The following TDRD1 variants were observed in gnomAD, a reference collection of about 807,000 sequenced individuals.
The protein encoded by TDRD1 is tudor domain-containing protein 1.
In TDRD1, 37 loss-of-function variants were observed where a neutral mutation model predicts 140.6. That is an observed-to-expected ratio of 0.26 (90% confidence interval 0.20 to 0.35). TDRD1 has a LOEUF of 0.35. TDRD1 is among the 10% of genes least tolerant of loss of function. The probability of loss-of-function intolerance (pLI) is 1.00; values close to 1 mark genes in which losing one functional copy is unlikely to be tolerated. For synonymous variants in TDRD1, 506 were observed against 475.7 expected, an observed-to-expected ratio of 1.06 and a Z score of -0.83; for missense variants, 1,243 against 1,393.0, an observed-to-expected ratio of 0.89 and a Z score of 1.71.
intron 2 of TDRD1, among the ~76,000 whole-genome samples, chr10:114,190,650 G>A (rs1449102740): frequency 6.6e-6 from 1 of 152,150 alleles, no homozygotes; most frequent in Non-Finnish European, 1.5e-5. Context: ...ACCATGCCCA[G>A]CTAATTTTTG....
chr10:114,196,359 A>G (rs888254389), intron 3 of TDRD1, among the ~76,000 whole-genome samples: 1 of 151,980 alleles, frequency 6.6e-6, no homozygotes, highest in African/African-American at 2.4e-5. Context: ...AATTCTCTTC[A>G]TTTTCTTTCA....
At position 114,212,056 on chromosome 10, in the gene TDRD1, T is replaced by G; in HGVS notation, c.1831+20T>G. On this transcript the variant is annotated intron_variant, in intron 14 of 25. Transcript: ENST00000251864. ...TAGCAGGTATGAAATTTTTATAGCCTCCATATTCTTTAAAAATTCTACAGA... is the reference window on the plus strand; with the variant it reads ...TAGCAGGTATGAAATTTTTATAGCCGCCATATTCTTTAAAAATTCTACAGA... 6.4e-7 allele frequency: 1 copy of G among 1,573,668 alleles called. No individual in the cohort carries two copies. Among genetic ancestry groups the G allele is most frequent in the Non-Finnish European group, 8.6e-7 (1 of 1,168,258 alleles).
chr10:114,189,648 A>G (rs73355784), intron 2 of TDRD1, among the ~76,000 whole-genome samples: 8,977 of 152,254 alleles, frequency 0.059, 301 homozygotes, highest in Middle Eastern at 0.075. Flanking sequence ...CTGAAGTGCA[A>G]TGGCACAATC....
At chr10:114,216,243 T>C (rs1446624499) in intron 16 of TDRD1, among the ~76,000 whole-genome samples, 1 of 152,216 alleles carries the variant, frequency 6.6e-6, no homozygotes, top group African/African-American at 2.4e-5. Context: ...TAGTGTCCTT[T>C]TTCTGTTCAG....
chr10:114,221,744 G>A (rs1223490564), intron 20 of TDRD1, among the ~76,000 whole-genome samples: 1 of 152,040 alleles, frequency 6.6e-6, no homozygotes, highest in East Asian at 1.9e-4. Flanking sequence ...ATAATTTCTT[G>A]TTTAAAAAAC....
At chr10:114,193,544 T>G (rs780081209) in intron 3 of TDRD1, among the ~76,000 whole-genome samples, 1 of 152,212 alleles carries the variant, frequency 6.6e-6, no homozygotes, top group Non-Finnish European at 1.5e-5. Flanking sequence ...TCCACCCGCC[T>G]TGGCCTCCCA....
chr10:114,207,980 C>G (rs551301615), intron 11 of TDRD1, among the ~76,000 whole-genome samples: 2 of 152,054 alleles, frequency 1.3e-5, no homozygotes, highest in South Asian at 4.1e-4. Flanking sequence ...GGGAGGGTAC[C>G]TAAGACTTGC....
At chr10:114,196,419 A>T (rs2034353570) in intron 3 of TDRD1, among the ~76,000 whole-genome samples, 1 of 152,160 alleles carries the variant, frequency 6.6e-6, no homozygotes, top group Admixed American at 6.5e-5. Context: ...TTTTCCTTGG[A>T]TAAGTTTCTC....
At chr10:114,198,338 G>A (rs1360189485) in intron 3 of TDRD1, among the ~76,000 whole-genome samples, 1 of 152,184 alleles carries the variant, frequency 6.6e-6, no homozygotes, top group African/African-American at 2.4e-5. Flanking sequence ...CCTCATTGTT[G>A]CCAGGTGGAA....
At chr10:114,211,126 A>G (rs2035455628) in intron 13 of TDRD1, among the ~76,000 whole-genome samples, 159 bp downstream of exon 13, 1 of 152,220 alleles carries the variant, frequency 6.6e-6, no homozygotes, top group Non-Finnish European at 1.5e-5. Context: ...AATAGATCAA[A>G]TTAAACTGGT....
chr10:114,188,625 G>A (rs992397524), intron 2 of TDRD1, among the ~76,000 whole-genome samples: 1 of 152,126 alleles, frequency 6.6e-6, no homozygotes, highest in Admixed American at 6.5e-5. Context: ...TTGGGAGGCC[G>A]AGGTGGGCAG....
chr10:114,218,633 TA>T, intron 18 of TDRD1, 49 bp downstream of exon 18: 2 of 1,337,338 alleles, frequency 1.5e-6, no homozygotes, highest in Non-Finnish European at 2.1e-6. Flanking sequence ...ACTTGGGGCA[TA>T]TAATCCAAGT....
chr10:114,214,943 G>C (rs1013301267), intron 16 of TDRD1, among the ~76,000 whole-genome samples: 1 of 151,804 alleles, frequency 6.6e-6, no homozygotes, highest in African/African-American at 2.4e-5. Flanking sequence ...GGGTTTCACC[G>C]TGTTAGCCAG....
intron 20 of TDRD1, 111 bp from the exon 21 acceptor site, chr10:114,222,476 A>G: frequency 2.0e-6 from 1 of 505,390 alleles, no homozygotes; most frequent in East Asian, 3.2e-5. Context: ...TTTTAAATAT[A>G]TTTTAATACA....
chr10:114,190,280 G>T (rs2033864327), intron 2 of TDRD1, among the ~76,000 whole-genome samples: 1 of 152,018 alleles, frequency 6.6e-6, no homozygotes. Context: ...TTTTTAAATG[G>T]ATGTTTAAAT....
rs747719693 is a variant in TDRD1 at position 114,204,095 on chromosome 10, A to G, written c.1004A>G (p.Gln335Arg). 3.7e-6 allele frequency: 6 copies of G among 1,606,316 alleles called. No individual in the cohort carries two copies. In the East Asian group the frequency reaches 1.1e-4, roughly 30 times the overall value. ...CAGACCTGGAACAGAGCAATCATAC[A>G]AAACGTTGATGTGCAGCAAAAGAAG... The change falls in exon 9 of 26, where the codon CAA becomes CGA. Residue 335 changes from glutamine to arginine, a missense_variant. Coordinates refer to ENST00000251864, the Ensembl canonical transcript of TDRD1.
At chr10:114,196,048 T>G (rs1046828115) in intron 3 of TDRD1, among the ~76,000 whole-genome samples, 1 of 152,242 alleles carries the variant, frequency 6.6e-6, no homozygotes, top group Non-Finnish European at 1.5e-5. Context: ...ATATTCTATC[T>G]CAGATTTAGA....
At chr10:114,193,544 T>C (rs780081209) in intron 3 of TDRD1, among the ~76,000 whole-genome samples, 1 of 152,212 alleles carries the variant, frequency 6.6e-6, no homozygotes, top group Non-Finnish European at 1.5e-5. Context: ...TCCACCCGCC[T>C]TGGCCTCCCA....
At chr10:114,207,213 T>G (rs139992096) in intron 11 of TDRD1, among the ~76,000 whole-genome samples, 1 of 152,326 alleles carries the variant, frequency 6.6e-6, no homozygotes, top group East Asian at 1.9e-4. Context: ...CATTGTCTCT[T>G]ACTCATTCAT....
Sources: allele counts gnomAD v4.1 joint callset (sites outside exome capture counted in the v4.1 genomes callset), GRCh38; gene constraint gnomAD v4.1.1; transcripts MANE v1.5; gene names NCBI Gene and HGNC (gene_info 2026-07-23, HGNC 2026-07-21).